The following NRXN3 variants were observed in gnomAD, a reference collection of about 807,000 sequenced individuals.
The protein encoded by NRXN3 is neurexin III.
In NRXN3, 32 loss-of-function variants were observed where a neutral mutation model predicts 137.6. The observed-to-expected ratio is 0.23, with a 90% confidence interval of 0.18 to 0.31. NRXN3 has a LOEUF of 0.31. Among genes scored for constraint, NRXN3 ranks in the 10% least tolerant of loss-of-function variants. NRXN3 has a pLI of 1.00. For missense variants in NRXN3, 1,574 were observed against 2,062.5 expected, an observed-to-expected ratio of 0.76 and a Z score of 4.59; for synonymous variants, 798 against 784.5, an observed-to-expected ratio of 1.02 and a Z score of -0.29.
intron 15 of NRXN3, among the ~76,000 whole-genome samples, chr14:79,169,424 A>G (rs552859096): frequency 1.3e-5 from 2 of 152,228 alleles, no homozygotes; most frequent in East Asian, 1.9e-4. Flanking sequence ...TGATGTCTAT[A>G]TATCTTGCCA....
At chr14:78,359,167 T>C (rs1280587207) in intron 4 of NRXN3, among the ~76,000 whole-genome samples, 1 of 152,184 alleles carries the variant, frequency 6.6e-6, no homozygotes, top group African/African-American at 2.4e-5. Context: ...AAAGCTGATA[T>C]TAAGTCAGAT....
intron 4 of NRXN3, among the ~76,000 whole-genome samples, chr14:78,372,046 G>A (rs909436206): frequency 4.6e-5 from 7 of 151,604 alleles, no homozygotes; most frequent in South Asian, 4.2e-4. Context: ...CAGAATTACA[G>A]TCTACAGAAT....
In NRXN3 at chr14:78,921,296, T is replaced by G. The variant is rs1052652108; in HGVS notation, c.2276-35946T>G. On this transcript the variant is annotated intron_variant, in intron 10 of 20. Coordinates refer to ENST00000335750, the MANE Select transcript of NRXN3 (RefSeq NM_001330195.2). ...AAGGCACGGGGGATACAGTGGTTAA[T>G]GGAGCAGACACAGTCCTTGTCCTCA... 2.0e-5 allele frequency among the ~76,000 whole-genome samples: 3 copies of G among 152,342 alleles called. No individual in the cohort carries two copies. The East Asian group carries it at 5.8e-4, about 29-fold the overall frequency.
chr14:78,867,343 C>T (rs1440104414), intron 10 of NRXN3, among the ~76,000 whole-genome samples: 1 of 152,120 alleles, frequency 6.6e-6, no homozygotes, highest in Non-Finnish European at 1.5e-5. Context: ...TAATTACAGA[C>T]AATGTTTTTG....
chr14:79,505,297 C>G (rs1257980638), intron 16 of NRXN3, among the ~76,000 whole-genome samples: 1 of 151,638 alleles, frequency 6.6e-6, no homozygotes, highest in African/African-American at 2.4e-5. Flanking sequence ...AGATGTTTAT[C>G]TCACTCATAT....
At chr14:78,987,897 TG>T in intron 14 of NRXN3, 124 bp from the exon 15 acceptor site, 1 of 1,028,040 alleles carries the variant, frequency 9.7e-7, no homozygotes, top group Non-Finnish European at 1.4e-6. Flanking sequence ...ACAATTTTGG[TG>T]GTGTGTCTTC....
At chr14:79,355,585 A>G (rs1933878487) in intron 15 of NRXN3, among the ~76,000 whole-genome samples, 2 of 152,224 alleles carry the variant, frequency 1.3e-5, no homozygotes, top group Admixed American at 6.5e-5. Context: ...TCACTATAGC[A>G]TTCAATAATT....
chr14:79,238,132 G>A lies in NRXN3; in HGVS notation c.3263-229089G>A, dbSNP rs538809122. Among the ~76,000 whole-genome samples, 9 of 152,122 alleles carry A rather than the reference G, an allele frequency of 5.9e-5. No individual in the cohort carries two copies. In the South Asian group the frequency reaches 1.9e-3, roughly 32 times the overall value. On this transcript the variant is annotated intron_variant, in intron 15 of 20. Transcript: ENST00000335750. ...TCACAGATGAGTTCAGGTGCATGGG[G>A]GTCCTGGACTTACAAGCGGGTGTGC...
At chr14:79,089,283 C>T (rs916903236) in intron 15 of NRXN3, among the ~76,000 whole-genome samples, 3 of 151,706 alleles carry the variant, frequency 2.0e-5, no homozygotes, top group Non-Finnish European at 4.4e-5. Context: ...ATAAGTGAAA[C>T]GTAAGGAAAA....
chr14:78,510,860 A>G (rs1206815167), intron 4 of NRXN3, among the ~76,000 whole-genome samples: 1 of 152,234 alleles, frequency 6.6e-6, no homozygotes, highest in Non-Finnish European at 1.5e-5. Context: ...CCTTGATAGT[A>G]ACTTCCAACT....
intron 1 of NRXN3, among the ~76,000 whole-genome samples, chr14:78,234,188 T>G (rs1006549368): frequency 1.3e-5 from 2 of 152,220 alleles, no homozygotes; most frequent in Non-Finnish European, 2.9e-5. Context: ...TTAAACTTCT[T>G]TCCTTTATAA....
chr14:78,730,634 G>T (rs1467898964), intron 8 of NRXN3, among the ~76,000 whole-genome samples: 1 of 152,160 alleles, frequency 6.6e-6, no homozygotes, highest in East Asian at 1.9e-4. Context: ...AGTGGTATCT[G>T]GTTGAAGGGG....
At chr14:79,614,670 A>C (rs1253921410) in intron 16 of NRXN3, among the ~76,000 whole-genome samples, 1 of 152,164 alleles carries the variant, frequency 6.6e-6, no homozygotes, top group African/African-American at 2.4e-5. Flanking sequence ...CAGAATTTTC[A>C]GCAGCCTAAT....
At chr14:79,387,307 C>T (rs1307462060) in intron 15 of NRXN3, among the ~76,000 whole-genome samples, 1 of 152,122 alleles carries the variant, frequency 6.6e-6, no homozygotes, top group Non-Finnish European at 1.5e-5. Flanking sequence ...TGAACAGACA[C>T]TTCTCAAAAG....
At chr14:79,791,698 C>T (rs985101044) in intron 19 of NRXN3, among the ~76,000 whole-genome samples, 2 of 151,946 alleles carry the variant, frequency 1.3e-5, no homozygotes, top group Non-Finnish European at 2.9e-5. Flanking sequence ...TCCACATGTC[C>T]CGTGCAAACC....
intron 15 of NRXN3, among the ~76,000 whole-genome samples, chr14:79,453,373 C>T (rs541049221): frequency 3.9e-5 from 6 of 152,206 alleles, no homozygotes; most frequent in Middle Eastern, 3.4e-3. Flanking sequence ...GGTTCAAATA[C>T]GCTAAGAGAA....
chr14:79,857,295 C>A (rs1345742117), intron 20 of NRXN3, among the ~76,000 whole-genome samples: 1 of 152,162 alleles, frequency 6.6e-6, no homozygotes, highest in African/African-American at 2.4e-5. Context: ...GATCTCGGCT[C>A]ACTGCAAGCT....
intron 4 of NRXN3, among the ~76,000 whole-genome samples, chr14:78,504,468 G>A (rs1292753114): frequency 1.3e-5 from 2 of 152,130 alleles, no homozygotes; most frequent in African/African-American, 4.8e-5. Context: ...TCTTTGTTAA[G>A]TCTTTAACTC....
chr14:79,077,330 A>G (rs2046144040), intron 15 of NRXN3, among the ~76,000 whole-genome samples: 1 of 152,312 alleles, frequency 6.6e-6, no homozygotes, highest in Admixed American at 6.5e-5. Context: ...TCTTAACCAC[A>G]TAGCCCGAGG....
Sources: allele counts gnomAD v4.1 joint callset (sites outside exome capture counted in the v4.1 genomes callset), GRCh38; gene constraint gnomAD v4.1.1; transcripts MANE v1.5; gene names NCBI Gene and HGNC (gene_info 2026-07-23, HGNC 2026-07-21).